SPAG1: variants seen among roughly 807,000 people sequenced by gnomAD.
The protein encoded by SPAG1 is sperm-associated antigen 1.
In SPAG1, 69 loss-of-function variants were observed where a neutral mutation model predicts 100.5. The ratio of observed to expected loss-of-function variants is 0.69; its 90% CI spans 0.57 to 0.84. The LOEUF is 0.84. Among genes scored for constraint, SPAG1 ranks in the 40% least tolerant of loss-of-function variants. The pLI is 0.00. For missense variants in SPAG1, 955 were observed against 1,133.1 expected (o/e 0.84, Z 2.26); for synonymous variants, 336 against 411.6 (o/e 0.82, Z 2.22).
intron 13 of SPAG1, among the ~76,000 whole-genome samples, chr8:100,222,181 T>G (rs935218085): frequency 6.6e-6 from 1 of 152,194 alleles, no homozygotes; most frequent in Non-Finnish European, 1.5e-5. Flanking sequence ...AGGAGAGGAC[T>G]TGCCTCCTCT....
At chr8:100,179,948 T>C (rs575127658) in intron 4 of SPAG1, among the ~76,000 whole-genome samples, 1 of 152,258 alleles carries the variant, frequency 6.6e-6, no homozygotes, top group South Asian at 2.1e-4. Flanking sequence ...AAAAATTTTG[T>C]TGGAAGTGAA....
At chr8:100,181,953 G>A (rs1164356299) in intron 4 of SPAG1, among the ~76,000 whole-genome samples, 1 of 152,150 alleles carries the variant, frequency 6.6e-6, no homozygotes, top group Non-Finnish European at 1.5e-5. Flanking sequence ...AGCATCAAAT[G>A]ATACTTTTTG....
At chr8:100,214,971 A>T (rs1467925451) in intron 12 of SPAG1, among the ~76,000 whole-genome samples, 1 of 119,116 alleles carries the variant, frequency 8.4e-6, no homozygotes. Context: ...CAGACAAGAG[A>T]CTCTGTAAAC....
chr8:100,185,997 T>G (rs778902979), intron 7 of SPAG1, among the ~76,000 whole-genome samples: 4 of 151,308 alleles, frequency 2.6e-5, no homozygotes, highest in Non-Finnish European at 4.4e-5. Context: ...GTTGAAGAAT[T>G]AAAGCAGCAT....
intron 10 of SPAG1, among the ~76,000 whole-genome samples, chr8:100,202,530 GA>G (rs1471946142): frequency 1.3e-5 from 2 of 150,426 alleles, no homozygotes; most frequent in East Asian, 3.9e-4. Context: ...CTAACACGGT[GA>G]AACCCCGTCT....
chr8:100,187,368 G>A (rs990185196), intron 8 of SPAG1, 118 bp downstream of exon 8: 2 of 773,382 alleles, frequency 2.6e-6, no homozygotes, highest in Admixed American at 7.5e-5. Flanking sequence ...ATTTCTGTAT[G>A]TGAATCACCA....
Position 100,240,714 on chromosome 8 carries a change from AG to A in SPAG1, c.2593del (p.Asp865IlefsTer12), listed in dbSNP as rs1219127360. 3 of 1,613,584 alleles carry A rather than the reference AG, an allele frequency of 1.9e-6. No individual in the cohort carries two copies. The African/African-American group carries it at 4.0e-5, about 22-fold the overall frequency. On this transcript the variant is annotated frameshift_variant, in exon 18 of 19. Transcript: ENST00000388798. LOFTEE classifies it high-confidence loss of function. ...CTCTGAAAAATAATCTTATTGAAAA[AG>A]ATCCCTCATTGGTGTATCAGCATCT... ...QSLKNNLIEK[D>X]PSLVYQHLLY...
chr8:100,177,461 A>G lies in SPAG1; in HGVS notation c.301-355A>G, dbSNP rs937497065. On this transcript the variant is annotated intron_variant, in intron 3 of 18. Transcript: ENST00000388798. Reference sequence around the variant, plus strand: ...ATTTCTCTTTACTGTGAATGGTGCCATTTATGGTCTGTAAGTGTTTGTGTG... The same window carrying G: ...ATTTCTCTTTACTGTGAATGGTGCCGTTTATGGTCTGTAAGTGTTTGTGTG... Among the ~76,000 whole-genome samples, 5 of 151,660 alleles carry G rather than the reference A, an allele frequency of 3.3e-5. No individual in the cohort carries two copies. The South Asian group carries it at 8.3e-4, about 25-fold the overall frequency.
chr8:100,205,030 T>C (rs1817447962), intron 10 of SPAG1, among the ~76,000 whole-genome samples: 1 of 152,200 alleles, frequency 6.6e-6, no homozygotes, highest in African/African-American at 2.4e-5. Context: ...AGAAGTGAAA[T>C]TGATAGGAAG....
At chr8:100,199,955 T>A (rs1817200934) in intron 10 of SPAG1, among the ~76,000 whole-genome samples, 1 of 152,182 alleles carries the variant, frequency 6.6e-6, no homozygotes, top group Admixed American at 6.5e-5. Context: ...TTTGACTTTT[T>A]TTTTTATTAT....
At chr8:100,215,235 C>T (rs1333216887) in intron 12 of SPAG1, among the ~76,000 whole-genome samples, 1 of 151,560 alleles carries the variant, frequency 6.6e-6, no homozygotes, top group Admixed American at 6.6e-5. Flanking sequence ...TCGTACCCCT[C>T]GAAGCATAAT....
chr8:100,181,091 T>G (rs1586421816), intron 4 of SPAG1, among the ~76,000 whole-genome samples: 1 of 152,220 alleles, frequency 6.6e-6, no homozygotes, highest in East Asian at 1.9e-4. Context: ...TCCCAGCCTT[T>G]CAAAGTCAGG....
At chr8:100,171,407 A>G (rs1434553186) in intron 3 of SPAG1, among the ~76,000 whole-genome samples, 1 of 152,168 alleles carries the variant, frequency 6.6e-6, no homozygotes, top group Non-Finnish European at 1.5e-5. Flanking sequence ...AAAAGTTGGT[A>G]TATGATTGGT....
At position 100,230,748 on chromosome 8, in the gene SPAG1, C is replaced by T. The variant is rs186135231; in HGVS notation, c.1856-408C>T. ...AAGCACTTCTCCTGCCTCAGCCTCC[C>T]GAGTAGCTAGGATTACAGGCATGTG... On this transcript the variant is annotated intron_variant, in intron 14 of 18. Coordinates refer to ENST00000388798, the MANE Select transcript of SPAG1 (RefSeq NM_003114.5). Among the ~76,000 whole-genome samples, 523 of 152,208 alleles carry T rather than the reference C, an allele frequency of 3.4e-3. 1 individual carries two copies. Among genetic ancestry groups the T allele is most frequent in the Non-Finnish European group, 5.7e-3 (390 of 68,006 alleles).
chr8:100,180,188 G>A (rs1348627181), intron 4 of SPAG1, among the ~76,000 whole-genome samples: 9 of 151,870 alleles, frequency 5.9e-5, no homozygotes, highest in African/African-American at 1.5e-4. Flanking sequence ...TTTTATTAGT[G>A]TGGTGTGGTG....
At chr8:100,163,607 T>C (rs1815414692) in intron 2 of SPAG1, among the ~76,000 whole-genome samples, 1 of 152,186 alleles carries the variant, frequency 6.6e-6, no homozygotes, top group Non-Finnish European at 1.5e-5. Flanking sequence ...ACATCTAGAA[T>C]TCCTATTACC....
At chr8:100,233,824 G>A (rs1014376242) in intron 16 of SPAG1, among the ~76,000 whole-genome samples, 1 of 152,206 alleles carries the variant, frequency 6.6e-6, no homozygotes, top group African/African-American at 2.4e-5. Flanking sequence ...TTAAGATAGA[G>A]GAAGGTTTGG....
chr8:100,213,465 C>A (rs781165724), intron 11 of SPAG1, 37 bp downstream of exon 11: 5 of 1,363,138 alleles, frequency 3.7e-6, no homozygotes, highest in South Asian at 1.6e-5. Flanking sequence ...CTGGGCCCCT[C>A]GCGCTGCGGT....
intron 16 of SPAG1, 63 bp downstream of exon 16, chr8:100,233,600 A>C (rs1210293960): frequency 6.8e-7 from 1 of 1,474,548 alleles, no homozygotes; most frequent in East Asian, 2.5e-5. Context: ...GGTTTTCACA[A>C]GCATAAATCT....
Sources: allele counts gnomAD v4.1 joint callset (sites outside exome capture counted in the v4.1 genomes callset), GRCh38; gene constraint gnomAD v4.1.1; transcripts MANE v1.5; gene names NCBI Gene and HGNC (gene_info 2026-07-23, HGNC 2026-07-21).